PTPRD: variants seen among roughly 807,000 people sequenced by gnomAD.
PTPRD encodes protein tyrosine phosphatase receptor type D, also known as receptor-type tyrosine-protein phosphatase delta.
PTPRD carries 34 observed loss-of-function variants against 214.5 expected under a neutral mutation model. That is an observed-to-expected ratio of 0.16 (90% confidence interval 0.12 to 0.21). The LOEUF is 0.21. PTPRD is among the 10% of genes least tolerant of loss of function. The pLI is 1.00. For synonymous variants in PTPRD, 1,128 were observed against 845.7 expected, an observed-to-expected ratio of 1.33 and a Z score of -5.79; for missense variants, 2,545 against 2,398.7, an observed-to-expected ratio of 1.06 and a Z score of -1.27.
chr9:10,116,678 C>G (rs1334762367), intron 3 of PTPRD, among the ~76,000 whole-genome samples: 1 of 152,040 alleles, frequency 6.6e-6, no homozygotes, highest in Non-Finnish European at 1.5e-5. Flanking sequence ...TTAAATGCAC[C>G]TGTCTTAAGC....
chr9:10,590,635 T>C (rs1023811450), intron 2 of PTPRD, among the ~76,000 whole-genome samples: 4 of 152,026 alleles, frequency 2.6e-5, no homozygotes, highest in African/African-American at 9.7e-5. Flanking sequence ...TTCTTGAGTG[T>C]ATCAGTAGTT....
intron 11 of PTPRD, among the ~76,000 whole-genome samples, chr9:8,930,571 C>A (rs1024086844): frequency 1.3e-5 from 2 of 152,126 alleles, no homozygotes; most frequent in Non-Finnish European, 2.9e-5. Flanking sequence ...AGTTTACAGT[C>A]CCACCAACAG....
chr9:9,328,948 C>A (rs1012328519), intron 9 of PTPRD, among the ~76,000 whole-genome samples: 3 of 151,776 alleles, frequency 2.0e-5, no homozygotes, highest in Non-Finnish European at 4.4e-5. Context: ...TTTTTGATCA[C>A]CTTGGTTAAA....
chr9:10,167,655 T>C (rs1371165610), intron 3 of PTPRD, among the ~76,000 whole-genome samples: 3 of 152,222 alleles, frequency 2.0e-5, no homozygotes, highest in Admixed American at 1.3e-4. Context: ...TGTTTAATAC[T>C]TATTCTTAGC....
intron 11 of PTPRD, among the ~76,000 whole-genome samples, chr9:8,858,683 AGCTGGGCCC>A (rs950867723): frequency 1.0e-4 from 10 of 98,540 alleles, no homozygotes; most frequent in Admixed American, 3.1e-4. Context: ...ACGCGGGGAG[AGCTGGGCCC>A]GCTGCGCCCG....
chr9:10,572,821 C>T (rs981678742), intron 2 of PTPRD, among the ~76,000 whole-genome samples: 2 of 152,054 alleles, frequency 1.3e-5, no homozygotes, highest in Admixed American at 1.3e-4. Context: ...CTCTCTAGAA[C>T]CAGAATGAAA....
intron 3 of PTPRD, among the ~76,000 whole-genome samples, chr9:10,174,290 C>T (rs1018278874): frequency 2.6e-5 from 4 of 152,114 alleles, no homozygotes; most frequent in South Asian, 2.1e-4. Context: ...AGTGAGTTCT[C>T]ACCCAATTAA....
intron 11 of PTPRD, among the ~76,000 whole-genome samples, chr9:8,828,100 C>G (rs1466158194): frequency 6.6e-6 from 1 of 152,080 alleles, no homozygotes; most frequent in Non-Finnish European, 1.5e-5. Context: ...AGATGAAGAG[C>G]TGGATGCAAT....
chr9:9,867,259 C>T (rs751489563), intron 5 of PTPRD, among the ~76,000 whole-genome samples: 3 of 152,152 alleles, frequency 2.0e-5, no homozygotes, highest in East Asian at 1.9e-4. Flanking sequence ...CTCAAAGATA[C>T]GATTCATTCT....
chr9:8,619,392 T>A (rs1178711954), intron 14 of PTPRD, among the ~76,000 whole-genome samples: 1 of 151,268 alleles, frequency 6.6e-6, no homozygotes, highest in East Asian at 2.0e-4. Flanking sequence ...CATTCTACTC[T>A]CTACTACTGA....
At chr9:8,904,641 C>A (rs188347326) in intron 11 of PTPRD, among the ~76,000 whole-genome samples, 63 of 148,676 alleles carry the variant, frequency 4.2e-4, no homozygotes, top group Admixed American at 6.1e-4. Context: ...CACTGCACTC[C>A]AGCCTGGGTA....
At chr9:9,382,821 G>A (rs2062740282) in intron 9 of PTPRD, among the ~76,000 whole-genome samples, 1 of 151,956 alleles carries the variant, frequency 6.6e-6, no homozygotes, top group African/African-American at 2.4e-5. Flanking sequence ...TCAAAGAATT[G>A]AAATGAGAAT....
intron 10 of PTPRD, among the ~76,000 whole-genome samples, chr9:9,103,348 T>G (rs918927792): frequency 6.6e-6 from 1 of 152,172 alleles, no homozygotes; most frequent in African/African-American, 2.4e-5. Context: ...TGATACTTTA[T>G]AAATGTCTCA....
At chr9:9,751,980 G>T (rs1456229894) in intron 6 of PTPRD, among the ~76,000 whole-genome samples, 15 of 151,980 alleles carry the variant, frequency 9.9e-5, no homozygotes, top group Non-Finnish European at 1.9e-4. Flanking sequence ...TAACCATTTG[G>T]TAGATTATAC....
chr9:9,329,950 C>T (rs2041684766), intron 9 of PTPRD, among the ~76,000 whole-genome samples: 1 of 152,166 alleles, frequency 6.6e-6, no homozygotes, highest in Non-Finnish European at 1.5e-5. Context: ...TAATCCCTGT[C>T]ATGGGTAAGA....
intron 2 of PTPRD, among the ~76,000 whole-genome samples, chr9:10,611,399 T>C (rs1417093179): frequency 1.3e-5 from 2 of 152,186 alleles, no homozygotes; most frequent in East Asian, 1.9e-4. Context: ...CTCCCTCTTG[T>C]GCAAAACAAA....
chr9:9,993,424 G>C (rs1277228357), intron 4 of PTPRD, among the ~76,000 whole-genome samples: 2 of 152,134 alleles, frequency 1.3e-5, no homozygotes, highest in African/African-American at 4.8e-5. Context: ...AGTAGTTAAA[G>C]GGATAAGTAG....
At chr9:9,496,010 C>A (rs769254140) in intron 8 of PTPRD, among the ~76,000 whole-genome samples, 1 of 152,188 alleles carries the variant, frequency 6.6e-6, no homozygotes, top group Non-Finnish European at 1.5e-5. Flanking sequence ...TAGCAGCTGG[C>A]TGGATCCTAC....
At chr9:9,820,939 T>C (rs1383427422) in intron 5 of PTPRD, among the ~76,000 whole-genome samples, 3 of 152,174 alleles carry the variant, frequency 2.0e-5, no homozygotes, top group African/African-American at 7.2e-5. Context: ...CTTGTTCTTT[T>C]TGTTCAGGAT....
Sources: allele counts gnomAD v4.1 joint callset (sites outside exome capture counted in the v4.1 genomes callset), GRCh38; gene constraint gnomAD v4.1.1; transcripts MANE v1.5; gene names NCBI Gene and HGNC (gene_info 2026-07-23, HGNC 2026-07-21).